PLEKHA7: variants seen among roughly 807,000 people sequenced by gnomAD.
The protein encoded by PLEKHA7 is pleckstrin homology domain-containing family A member 7.
A neutral mutation model predicts 170.0 loss-of-function variants in PLEKHA7; 104 were observed. The ratio of observed to expected loss-of-function variants is 0.61; its 90% confidence interval spans 0.52 to 0.72. PLEKHA7 has a LOEUF of 0.72. Among genes scored for constraint, PLEKHA7 ranks in the 30% least tolerant of loss-of-function variants. The pLI is 0.00. For missense variants in PLEKHA7, 1,615 were observed against 1,671.7 expected, an observed-to-expected ratio of 0.97 and a Z score of 0.59; for synonymous variants, 648 against 660.8, an observed-to-expected ratio of 0.98 and a Z score of 0.30.
intron 3 of PLEKHA7, among the ~76,000 whole-genome samples, chr11:16,928,577 T>TAGA: frequency 6.6e-6 from 1 of 151,996 alleles, no homozygotes; most frequent in East Asian, 1.9e-4. Context: ...CTCAGTCTTC[T>TAGA]GAGTAGCTGA....
intron 3 of PLEKHA7, among the ~76,000 whole-genome samples, chr11:16,914,172 AAAG>A (rs1461467900): frequency 6.6e-6 from 1 of 152,220 alleles, no homozygotes; most frequent in African/African-American, 2.4e-5. Context: ...GCATTTGAAA[AAAG>A]AAGAAAGGGA....
intron 10 of PLEKHA7, among the ~76,000 whole-genome samples, chr11:16,819,002 A>G (rs2134758762): frequency 6.6e-6 from 1 of 150,900 alleles, no homozygotes; most frequent in South Asian, 2.1e-4. Context: ...ACAGGGTTTC[A>G]CTGTGTTAGC....
chr11:16,857,820 G>C (rs2135493785), intron 4 of PLEKHA7, among the ~76,000 whole-genome samples: 1 of 152,336 alleles, frequency 6.6e-6, no homozygotes, highest in South Asian at 2.1e-4. Context: ...CTGGGTTCAA[G>C]TGATTCTCCT....
At position 16,956,086 on chromosome 11, in the gene PLEKHA7, G is replaced by A. The variant is rs17700056; in HGVS notation, c.221+57903C>T. 5.3e-5 allele frequency among the ~76,000 whole-genome samples: 8 copies of A among 152,162 alleles called. No individual in the cohort carries two copies. In the East Asian group the frequency reaches 1.4e-3, roughly 26 times the overall value. On this transcript the variant is annotated intron_variant, in intron 3 of 26. Transcript: ENST00000531066. ...TAGTTTGTGGAAATATGTTCTTTTTGTACTTTCCACAGGGACCAGGCAAAA... is the reference window on the plus strand; with the variant it reads ...TAGTTTGTGGAAATATGTTCTTTTTATACTTTCCACAGGGACCAGGCAAAA...
At chr11:16,807,332 G>T in intron 13 of PLEKHA7, 1 of 277,302 alleles carries the variant, frequency 3.6e-6, no homozygotes, top group Non-Finnish European at 5.5e-6. Flanking sequence ...ACTTTAAGGA[G>T]GCTGTGTGCT....
chr11:16,811,938 C>T (rs1426242406), intron 13 of PLEKHA7, among the ~76,000 whole-genome samples: 1 of 152,154 alleles, frequency 6.6e-6, no homozygotes, highest in Non-Finnish European at 1.5e-5. Flanking sequence ...CAAACACATG[C>T]CACCTCCTCC....
rs150453672 is a variant in PLEKHA7 at position 16,850,991 on chromosome 11, C to T, written c.696+200G>A. 6.3e-3 allele frequency among the ~76,000 whole-genome samples: 956 copies of T among 152,172 alleles called. 8 individuals carry two copies. Among genetic ancestry groups the T allele is most frequent in the Middle Eastern group, 0.024 (7 of 294 alleles). ...GTCTGAATACTTGAACATGGCTGGG[C>T]GACTCCAAAGCTTAGAGTCAAATGA... On this transcript the variant is annotated intron_variant, in intron 8 of 26. Coordinates refer to ENST00000531066, the MANE Select transcript of PLEKHA7 (RefSeq NM_001329630.2).
intron 26 of PLEKHA7, among the ~76,000 whole-genome samples, chr11:16,782,455 T>C (rs1418212309): frequency 2.6e-5 from 4 of 152,302 alleles, no homozygotes; most frequent in East Asian, 1.9e-4. Context: ...TCTTAGCTCA[T>C]AGTCTCAGAG....
In PLEKHA7 at chr11:16,955,201, T is replaced by G. The variant is rs546277356; in HGVS notation, c.221+58788A>C. On this transcript the variant is annotated intron_variant, in intron 3 of 26. Coordinates refer to ENST00000531066, the MANE Select transcript of PLEKHA7 (RefSeq NM_001329630.2). ...CCCTGATGCTTAGGCTGCAGCAGGC[T>G]AACAGGAGAGACTTGCTGAATGAAT... 1.8e-4 allele frequency among the ~76,000 whole-genome samples: 27 copies of G among 152,320 alleles called. 1 individual carries two copies. In the South Asian group the frequency reaches 5.4e-3, roughly 30 times the overall value.
Position 16,782,814 on chromosome 11 carries a change from T to C in PLEKHA7, c.3733A>G (p.Ile1245Val). ...LDLQLQEQER[I>V]INISYALASE... ...GCCAGGGCGTAGGAGATGTTGATGA[T>C]GCGCTCCTGCTCCTGCAGCTGCAAG... is the stretch of plus-strand genomic sequence containing the variant. Residue 1245 changes from isoleucine to valine, a missense_variant, in exon 26 of 27, where the codon ATC becomes GTC. Transcript: ENST00000531066. 1 of 1,536,152 alleles carries C rather than the reference T, an allele frequency of 6.5e-7. No individual in the cohort carries two copies. The highest frequency in any genetic ancestry group is 1.2e-5 in the South Asian group (1 of 84,064).
chr11:16,977,263 A>G (rs4757464), intron 3 of PLEKHA7, among the ~76,000 whole-genome samples: 33,028 of 151,996 alleles, frequency 0.22, 4,375 homozygotes, highest in African/African-American at 0.35. Context: ...TCCTGGATCC[A>G]GTGCCCAAGG....
intron 9 of PLEKHA7, among the ~76,000 whole-genome samples, chr11:16,831,572 A>G (rs978343075): frequency 1.3e-5 from 2 of 152,238 alleles, no homozygotes; most frequent in Admixed American, 1.3e-4. Context: ...TCACTGTTCA[A>G]AAACACAGGA....
chr11:16,786,149 C>CCTGAACAGTGGGTAGGTGGATACCCA, intron 24 of PLEKHA7, 80 bp downstream of exon 24: 1 of 1,479,130 alleles, frequency 6.8e-7, no homozygotes, highest in Non-Finnish European at 9.0e-7. Flanking sequence ...AGGATGATAC[C>CCTGAACAGTGGGTAGGTGGATACCCA]CCACAGTGGG....
At chr11:16,894,249 C>T (rs1244056825) in intron 3 of PLEKHA7, among the ~76,000 whole-genome samples, 1 of 152,210 alleles carries the variant, frequency 6.6e-6, no homozygotes, top group African/African-American at 2.4e-5. Flanking sequence ...CACTATCTCA[C>T]TTCTAGGAAA....
intron 12 of PLEKHA7, among the ~76,000 whole-genome samples, chr11:16,813,839 G>A (rs897272776): frequency 6.6e-6 from 1 of 152,188 alleles, no homozygotes; most frequent in Admixed American, 6.5e-5. Flanking sequence ...AAGTTCTTCA[G>A]TATAATTACC....
intron 3 of PLEKHA7, among the ~76,000 whole-genome samples, chr11:16,912,537 TA>T (rs775034806): frequency 3.3e-5 from 5 of 152,354 alleles, no homozygotes; most frequent in Non-Finnish European, 7.3e-5. Context: ...TTTTGCCTCT[TA>T]AATGCTGACT....
chr11:16,912,459 T>C (rs1215032974), intron 3 of PLEKHA7, among the ~76,000 whole-genome samples: 1 of 152,138 alleles, frequency 6.6e-6, no homozygotes, highest in Admixed American at 6.5e-5. Flanking sequence ...TACTCTGACA[T>C]GGATATTTTA....
chr11:16,792,611 T>G (rs1203584751), intron 19 of PLEKHA7, among the ~76,000 whole-genome samples: 1 of 152,144 alleles, frequency 6.6e-6, no homozygotes, highest in African/African-American at 2.4e-5. Flanking sequence ...GGAAGCAGCT[T>G]GGCCTGGGAA....
intron 23 of PLEKHA7, chr11:16,788,051 T>C (rs1275100128): frequency 6.6e-6 from 1 of 152,462 alleles, no homozygotes; most frequent in Non-Finnish European, 1.5e-5. Context: ...TGGGAGAATG[T>C]ATTCAAACGT....
Sources: allele counts gnomAD v4.1 joint callset (sites outside exome capture counted in the v4.1 genomes callset), GRCh38; gene constraint gnomAD v4.1.1; transcripts MANE v1.5; gene names NCBI Gene and HGNC (gene_info 2026-07-23, HGNC 2026-07-21).